RSU1: variants seen among roughly 807,000 people sequenced by gnomAD.
RSU1 encodes the protein rsu-1.
A neutral mutation model predicts 31.1 loss-of-function variants in RSU1; 26 were observed. The observed-to-expected ratio is 0.84, with a 90% confidence interval of 0.61 to 1.16. The LOEUF is 1.16. Among genes scored for constraint, RSU1 ranks in the 50% most tolerant of loss-of-function variants. The pLI, the probability that RSU1 is intolerant of heterozygous loss-of-function variation, is 0.00. For synonymous variants in RSU1, 164 were observed against 136.3 expected, an observed-to-expected ratio of 1.20 and a Z score of -1.41; for missense variants, 320 against 339.1, an observed-to-expected ratio of 0.94 and a Z score of 0.44.
intron 2 of RSU1, among the ~76,000 whole-genome samples, chr10:16,815,822 C>G (rs1309083971): frequency 6.6e-6 from 1 of 152,152 alleles, no homozygotes; most frequent in Non-Finnish European, 1.5e-5. Flanking sequence ...TAAGCTGACT[C>G]TTAGAAGTAA....
At chr10:16,681,159 T>C (rs1234971889) in intron 8 of RSU1, among the ~76,000 whole-genome samples, 2 of 152,228 alleles carry the variant, frequency 1.3e-5, no homozygotes, top group Non-Finnish European at 2.9e-5. Context: ...TCTTAGATAT[T>C]GGTTGTAAAT....
intron 4 of RSU1, among the ~76,000 whole-genome samples, chr10:16,755,862 A>C (rs555698390): frequency 6.6e-6 from 1 of 152,216 alleles, no homozygotes; most frequent in African/African-American, 2.4e-5. Context: ...TATTTAGGCT[A>C]ATAATTTCAG....
At chr10:16,628,790 C>G (rs761822037) in intron 8 of RSU1, among the ~76,000 whole-genome samples, 1 of 152,190 alleles carries the variant, frequency 6.6e-6, no homozygotes, top group Non-Finnish European at 1.5e-5. Flanking sequence ...CTCCCTCTCT[C>G]TCTCCTTTTT....
At chr10:16,608,122 C>T (rs922299280) in intron 8 of RSU1, among the ~76,000 whole-genome samples, 1 of 152,234 alleles carries the variant, frequency 6.6e-6, no homozygotes, top group African/African-American at 2.4e-5. Flanking sequence ...TGAGCCACCA[C>T]ACCCGGCCAG....
chr10:16,705,284 G>T (rs897474040), intron 7 of RSU1, among the ~76,000 whole-genome samples: 3 of 152,052 alleles, frequency 2.0e-5, no homozygotes, highest in African/African-American at 7.2e-5. Context: ...GGACCCCTGT[G>T]GATGTCAAAA....
chr10:16,709,264 C>A (rs187021548), intron 7 of RSU1, among the ~76,000 whole-genome samples: 2 of 151,470 alleles, frequency 1.3e-5, no homozygotes, highest in African/African-American at 4.9e-5. Flanking sequence ...TTTGTCCTTG[C>A]GATAGTTTAC....
At chr10:16,620,212 C>A (rs1834045444) in intron 8 of RSU1, among the ~76,000 whole-genome samples, 2 of 152,124 alleles carry the variant, frequency 1.3e-5, no homozygotes, top group African/African-American at 4.8e-5. Context: ...TATTAACCAG[C>A]AACATTAAAG....
intron 7 of RSU1, among the ~76,000 whole-genome samples, chr10:16,743,390 A>G (rs1353121001): frequency 6.6e-6 from 1 of 152,218 alleles, no homozygotes; most frequent in Non-Finnish European, 1.5e-5. Context: ...TGGTCCCATC[A>G]TCTTTAAAAA....
intron 7 of RSU1, among the ~76,000 whole-genome samples, chr10:16,751,611 C>T (rs1233099851): frequency 6.6e-6 from 1 of 152,146 alleles, no homozygotes; most frequent in Non-Finnish European, 1.5e-5. Context: ...CTACTGTACC[C>T]GAGGGAACAA....
At chr10:16,791,431 C>T (rs1837908973) in intron 2 of RSU1, among the ~76,000 whole-genome samples, 1 of 152,112 alleles carries the variant, frequency 6.6e-6, no homozygotes, top group Admixed American at 6.5e-5. Context: ...CTCAGGAGTT[C>T]AGGATTTCAG....
At chr10:16,751,956 G>C (rs1836989024) in intron 7 of RSU1, among the ~76,000 whole-genome samples, 1 of 152,122 alleles carries the variant, frequency 6.6e-6, no homozygotes, top group Non-Finnish European at 1.5e-5. Flanking sequence ...ACCTGGCAGA[G>C]AAACAGGATT....
intron 7 of RSU1, among the ~76,000 whole-genome samples, chr10:16,707,318 TC>T (rs1246786947): frequency 6.6e-6 from 1 of 152,214 alleles, no homozygotes. Flanking sequence ...ATCTCCATAC[TC>T]TTTTCCATAA....
intron 8 of RSU1, among the ~76,000 whole-genome samples, chr10:16,638,056 A>C (rs1395068986): frequency 2.0e-5 from 3 of 152,152 alleles, no homozygotes; most frequent in Non-Finnish European, 2.9e-5. Context: ...TTCTGCCCTG[A>C]TAAAATTTGA....
chr10:16,762,734 T>C (rs1415565787), intron 4 of RSU1, among the ~76,000 whole-genome samples: 1 of 152,078 alleles, frequency 6.6e-6, no homozygotes, highest in Non-Finnish European at 1.5e-5. Context: ...CTCCCTATTA[T>C]ATTGGCAAAT....
intron 7 of RSU1, among the ~76,000 whole-genome samples, chr10:16,704,135 T>A (rs1835847997): frequency 6.6e-6 from 1 of 152,096 alleles, no homozygotes; most frequent in African/African-American, 2.4e-5. Context: ...AAAGAAAAAA[T>A]TAAATCTATT....
At chr10:16,778,853 C>A (rs915894515) in intron 3 of RSU1, among the ~76,000 whole-genome samples, 1 of 152,164 alleles carries the variant, frequency 6.6e-6, no homozygotes, top group African/African-American at 2.4e-5. Context: ...CAGAGAGGGG[C>A]AGTGAGTGCA....
chr10:16,795,646 T>C (rs12781523), intron 2 of RSU1, among the ~76,000 whole-genome samples: 1 of 152,308 alleles, frequency 6.6e-6, no homozygotes, highest in South Asian at 2.1e-4. Context: ...TCTGATACTG[T>C]CTTACTGGCT....
rs537904360 is a variant in RSU1 at position 16,671,759 on chromosome 10, G to A, written c.731+23264C>T. ...TCCTGCCTCAGCCTCCCAAGCAGCTGGGGCTACAGGCACATACCACCATGC... is the reference window on the plus strand; with the variant it reads ...TCCTGCCTCAGCCTCCCAAGCAGCTAGGGCTACAGGCACATACCACCATGC... On this transcript the variant is annotated intron_variant, in intron 8 of 8. Coordinates refer to ENST00000345264, the MANE Select transcript of RSU1 (RefSeq NM_012425.4). Among the ~76,000 whole-genome samples the A allele has an allele frequency of 3.5e-3, 535 of 151,914 alleles. 3 individuals are homozygous for A. The highest frequency in any genetic ancestry group is 0.012 in the African/African-American group (484 of 41,480).
At chr10:16,679,483 A>C (rs1224741016) in intron 8 of RSU1, among the ~76,000 whole-genome samples, 2 of 152,132 alleles carry the variant, frequency 1.3e-5, no homozygotes, top group Admixed American at 1.3e-4. Flanking sequence ...CTAAAGAAAG[A>C]TGATAAAAGG....
Sources: allele counts gnomAD v4.1 joint callset (sites outside exome capture counted in the v4.1 genomes callset), GRCh38; gene constraint gnomAD v4.1.1; transcripts MANE v1.5; gene names NCBI Gene and HGNC (gene_info 2026-07-23, HGNC 2026-07-21).